Variants in ATF7IP observed in about 807,000 individuals in gnomAD.
ATF7IP encodes the protein activating transcription factor 7-interacting protein 1.
ATF7IP carries 23 observed loss-of-function variants against 106.4 expected under a neutral mutation model. The ratio of observed to expected loss-of-function variants is 0.22; its 90% CI spans 0.16 to 0.31. The LOEUF (loss-of-function observed/expected upper bound fraction) is 0.31, where lower values mean the gene tolerates loss of function less well. ATF7IP is among the 10% of genes least tolerant of loss of function. ATF7IP has a pLI of 1.00. For synonymous variants in ATF7IP, 542 were observed against 539.0 expected, an observed-to-expected ratio of 1.01 and a Z score of -0.08; for missense variants, 1,334 against 1,524.3, an observed-to-expected ratio of 0.88 and a Z score of 2.08.
chr12:14,426,786 A>T (rs550054723), intron 2 of ATF7IP, among the ~76,000 whole-genome samples: 40 of 131,602 alleles, frequency 3.0e-4, no homozygotes, highest in Non-Finnish European at 5.1e-4. Context: ...AGATCGCGCC[A>T]CTACTCCAGC....
At chr12:14,485,404 A>G (rs2136829848) in intron 13 of ATF7IP, among the ~76,000 whole-genome samples, 1 of 152,124 alleles carries the variant, frequency 6.6e-6, no homozygotes, top group African/African-American at 2.4e-5. Flanking sequence ...TAGAAATTTT[A>G]CTGAGGTAGA....
At chr12:14,432,916 C>T (rs1412228200) in intron 2 of ATF7IP, among the ~76,000 whole-genome samples, 1 of 151,978 alleles carries the variant, frequency 6.6e-6, no homozygotes. Context: ...TCCCTTATTC[C>T]TCATTTAATG....
intron 6 of ATF7IP, among the ~76,000 whole-genome samples, chr12:14,455,110 G>A (rs947132520): frequency 1.3e-5 from 2 of 151,578 alleles, no homozygotes; most frequent in Admixed American, 1.3e-4. Flanking sequence ...CCTGGGAGGC[G>A]GAGGCTAGAG....
chr12:14,397,093 C>T (rs1190695628), intron 1 of ATF7IP, among the ~76,000 whole-genome samples: 3 of 152,016 alleles, frequency 2.0e-5, no homozygotes, highest in Admixed American at 2.0e-4. Flanking sequence ...ATCCGGGAGG[C>T]GGAGGTTGCA....
In ATF7IP at chr12:14,500,632, C is replaced by A. The variant is rs1344762252; in HGVS notation, c.*2559C>A. 2.0e-5 allele frequency: 3 copies of A among 152,112 alleles called. No individual in the cohort carries two copies. The highest frequency in any genetic ancestry group is 4.4e-5 in the Non-Finnish European group (3 of 67,990). The allele number at this position is 152,112 out of a possible 1,614,324, so 9.4% of individuals were successfully genotyped here. A position where few individuals can be genotyped will look rare whatever the true frequency, so the allele number is the denominator to read the frequency against. On this transcript the variant is annotated 3_prime_UTR_variant, in exon 15 of 15. Transcript: ENST00000261168. ...ACTGAAGGCCCATGTTCAAATTGTT[C>A]TTTATTGGGTGTTTTTATGGTCACG...
intron 5 of ATF7IP, among the ~76,000 whole-genome samples, chr12:14,439,997 C>G (rs894735101): frequency 6.6e-6 from 1 of 152,188 alleles, no homozygotes; most frequent in Non-Finnish European, 1.5e-5. Flanking sequence ...TTGAATCTTT[C>G]TAACACCAAG....
chr12:14,442,486 A>C (rs756969115), intron 5 of ATF7IP, among the ~76,000 whole-genome samples: 1 of 152,178 alleles, frequency 6.6e-6, no homozygotes, highest in Non-Finnish European at 1.5e-5. Context: ...AATATAAAGC[A>C]TAGTGCAAGA....
In ATF7IP at chr12:14,502,583, A is replaced by C. The variant is rs1945188922; in HGVS notation, c.*4510A>C. The stretch of plus-strand genomic sequence containing the variant: ...GTAAATAAGGTAACTGGGCAATCAA[A>C]CACCTTTTGGGGATTCTGGCTTTAG... On this transcript the variant is annotated 3_prime_UTR_variant, in exon 15 of 15. Coordinates refer to ENST00000261168, the MANE Select transcript of ATF7IP (RefSeq NM_018179.5). 1 of 152,104 alleles carries C rather than the reference A, an allele frequency of 6.6e-6. No individual in the cohort carries two copies. The highest frequency in any genetic ancestry group is 1.5e-5 in the Non-Finnish European group (1 of 68,034). The allele number at this position is 152,104 out of a possible 1,614,324, so 9.4% of individuals were successfully genotyped here.
chr12:14,478,557 G>A, intron 12 of ATF7IP, 85 bp downstream of exon 12: 1 of 1,460,402 alleles, frequency 6.8e-7, no homozygotes, highest in South Asian at 1.2e-5. Flanking sequence ...AGATAAGACA[G>A]AAAATTAATA....
intron 1 of ATF7IP, among the ~76,000 whole-genome samples, chr12:14,406,311 C>T (rs1368690115): frequency 2.0e-5 from 3 of 151,958 alleles, no homozygotes; most frequent in Non-Finnish European, 4.4e-5. Flanking sequence ...GTTGGCCAGG[C>T]TGGTGTCGAA....
intron 1 of ATF7IP, among the ~76,000 whole-genome samples, chr12:14,381,235 T>C (rs950346814): frequency 6.6e-6 from 1 of 152,150 alleles, no homozygotes; most frequent in Non-Finnish European, 1.5e-5. Context: ...CTGGTCGTGC[T>C]TATTTATTTT....
chr12:14,466,000 G>A (rs1943818018), intron 9 of ATF7IP: 1 of 152,110 alleles, frequency 6.6e-6, no homozygotes, highest in African/African-American at 2.4e-5. Context: ...TTTCTGTGCT[G>A]TTCTGAAAGT....
At chr12:14,435,785 C>T (rs1249053392) in intron 3 of ATF7IP, among the ~76,000 whole-genome samples, 1 of 152,150 alleles carries the variant, frequency 6.6e-6, no homozygotes, top group Non-Finnish European at 1.5e-5. Flanking sequence ...CATTTAGTTA[C>T]AGGAATGAAT....
chr12:14,395,616 C>T (rs993635540), intron 1 of ATF7IP, among the ~76,000 whole-genome samples: 4 of 152,160 alleles, frequency 2.6e-5, no homozygotes, highest in East Asian at 1.9e-4. Flanking sequence ...AACTGGTACA[C>T]GCAGAGAGAT....
At chr12:14,370,628 C>T (rs376745300) in intron 1 of ATF7IP, among the ~76,000 whole-genome samples, 8 of 151,996 alleles carry the variant, frequency 5.3e-5, no homozygotes, top group East Asian at 3.9e-4. Flanking sequence ...TTACACACTT[C>T]CTGTAGACTA....
intron 1 of ATF7IP, chr12:14,385,091 A>G: frequency 3.2e-6 from 1 of 315,840 alleles, no homozygotes. Flanking sequence ...TTATGTTACA[A>G]AACTGGCTTG....
At chr12:14,487,727 C>T (rs1029140106) in intron 13 of ATF7IP, among the ~76,000 whole-genome samples, 2 of 152,130 alleles carry the variant, frequency 1.3e-5, no homozygotes, top group African/African-American at 2.4e-5. Context: ...AGATAACTGT[C>T]TCTCACTCAA....
At chr12:14,368,835 G>A (rs1359272789) in intron 1 of ATF7IP, among the ~76,000 whole-genome samples, 1 of 151,906 alleles carries the variant, frequency 6.6e-6, no homozygotes, top group African/African-American at 2.4e-5. Flanking sequence ...AGCTACTTAC[G>A]GCTTTGGGGT....
chr12:14,379,556 C>G (rs1379070538), intron 1 of ATF7IP, among the ~76,000 whole-genome samples: 1 of 151,822 alleles, frequency 6.6e-6, no homozygotes, highest in African/African-American at 2.4e-5. Flanking sequence ...TTAGAATTCT[C>G]CCTGCCTGTA....
Sources: gnomAD v4.1 joint callset for allele counts (sites outside exome capture counted in the v4.1 genomes callset) on GRCh38, gnomAD v4.1.1 for gene constraint, MANE v1.5 for transcripts, NCBI Gene and HGNC (gene_info 2026-07-23, HGNC 2026-07-21) for gene names.